ATAD1: variants seen among roughly 807,000 people sequenced by gnomAD.
ATAD1 encodes outer mitochondrial transmembrane helix translocase.
Under a neutral mutation model 42.7 loss-of-function variants are expected in ATAD1, and 18 were observed. The ratio of observed to expected loss-of-function variants is 0.42; its 90% CI spans 0.29 to 0.63. The LOEUF is 0.63. Among genes scored for constraint, ATAD1 ranks in the 20% least tolerant of loss-of-function variants. The pLI, the probability that ATAD1 is intolerant of heterozygous loss-of-function variation, is 0.19. For missense variants in ATAD1, 294 were observed against 440.4 expected (o/e 0.67, Z 2.98); for synonymous variants, 132 against 143.1 (o/e 0.92, Z 0.55).
intron 4 of ATAD1, among the ~76,000 whole-genome samples, chr10:87,787,962 A>G (rs1219934063): frequency 6.6e-6 from 1 of 152,208 alleles, no homozygotes; most frequent in Admixed American, 6.5e-5. Context: ...TACAGAATTC[A>G]GAAAGTTTAC....
intron 2 of ATAD1, among the ~76,000 whole-genome samples, chr10:87,809,450 C>G (rs2132039758): frequency 6.6e-6 from 1 of 151,726 alleles, no homozygotes; most frequent in African/African-American, 2.4e-5. Context: ...GTTGGTCTTT[C>G]TGTCTCAGGT....
rs1855730762 is a variant in ATAD1, at chr10:87,784,546, T to C, written c.507A>G (p.Glu169=). 6.2e-7 allele frequency: 1 copy of C among 1,613,878 alleles called. No homozygotes were observed. Among genetic ancestry groups the C allele is most frequent in the African/African-American group, 1.3e-5 (1 of 75,038 alleles). The change falls in exon 5 of 10, where the codon GAA becomes GAG. Residue 169 remains glutamate, a synonymous_variant. Transcript: ENST00000680024. ...AGACAGCAGCAGCCAATTTCTGAGA[T>C]TCTCCATACCACTTATCGGTCAGTG... ...PSTLTDKWYG[E]SQKLAAAVFS... is the part of the protein sequence containing the mutation.
intron 8 of ATAD1, among the ~76,000 whole-genome samples, chr10:87,767,357 T>C (rs961933082): frequency 1.3e-5 from 2 of 152,126 alleles, no homozygotes; most frequent in Non-Finnish European, 2.9e-5. Flanking sequence ...ATGATTCAAG[T>C]GCATTACATT....
At chr10:87,767,844 GA>G in intron 7 of ATAD1, 121 bp from the exon 8 acceptor site, 1 of 936,796 alleles carries the variant, frequency 1.1e-6, no homozygotes. Context: ...GGAGATGACA[GA>G]AACTTTGAAG....
In ATAD1 at chr10:87,784,467, T is replaced by C. The variant is rs778233708; in HGVS notation, c.583+3A>G. Reference sequence around the variant, plus strand: ...AAATACTCATATAGAAAACATAGCATACCTATTTCATCTATAAAGATGATG... The same window carrying C: ...AAATACTCATATAGAAAACATAGCACACCTATTTCATCTATAAAGATGATG... On this transcript the variant is annotated splice_donor_region_variant and intron_variant, in intron 5 of 9. Coordinates refer to ENST00000680024, the MANE Select transcript of ATAD1 (RefSeq NM_001321967.2). 3 of 1,612,300 alleles carry C rather than the reference T, an allele frequency of 1.9e-6. No homozygotes were observed. The highest frequency in any genetic ancestry group is 1.3e-5 in the African/African-American group (1 of 74,998).
rs1402844306 is a variant in ATAD1 at position 87,784,471 on chromosome 10, T to G, written c.582A>C (p.Ile194=). The G allele has an allele frequency of 1.9e-6, 3 of 1,612,778 alleles. No individual in the cohort carries two copies. ...ACTCATATAGAAAACATAGCATACC[T>G]ATTTCATCTATAAAGATGATGGATG... is the stretch of plus-strand genomic sequence containing the variant. ...LQPSIIFIDE[I]DSFLRNRSSS... The change falls in exon 5 of 10, where the codon ATA becomes ATC. Residue 194 remains isoleucine (I), a splice_region_variant and synonymous_variant. Transcript: ENST00000680024.
upstream of ATAD1, chr10:87,818,351 A>G (rs774581275): frequency 1.3e-6 from 1 of 743,178 alleles, no homozygotes; most frequent in Non-Finnish European, 1.6e-6. Context: ...GGGAGAGCAA[A>G]TTCGCGCACC....
chr10:87,817,922 G>A (rs1857499533), intron 1 of ATAD1: 1 of 985,506 alleles, frequency 1.0e-6, no homozygotes, highest in Non-Finnish European at 1.2e-6. Context: ...TCTTGGGGAA[G>A]AGCTAAGCAG....
intron 6 of ATAD1, among the ~76,000 whole-genome samples, chr10:87,771,754 TA>T (rs879464574): frequency 0.018 from 2,527 of 139,174 alleles, 18 homozygotes; most frequent in Middle Eastern, 0.095. Context: ...ATGTAGAGAT[TA>T]AAAAAAAAAA....
chr10:87,812,540 G>C (rs1857233916), intron 2 of ATAD1, among the ~76,000 whole-genome samples: 1 of 152,184 alleles, frequency 6.6e-6, no homozygotes, highest in African/African-American at 2.4e-5. Context: ...TGGGATTATA[G>C]GCGTGAGCCA....
intron 6 of ATAD1, among the ~76,000 whole-genome samples, chr10:87,775,420 C>CAAAAAAAAAAAAAAAAAAAAAAA: frequency 4.2e-5 from 1 of 24,056 alleles, no homozygotes; most frequent in Non-Finnish European, 8.7e-5. Context: ...GACTCCATCT[C>CAAAAAAAAAAAAAAAAAAAAAAA]AAAAAAAAAA....
intron 1 of ATAD1, among the ~76,000 whole-genome samples, chr10:87,826,050 C>T (rs1589573934): frequency 6.6e-6 from 1 of 152,166 alleles, no homozygotes; most frequent in Admixed American, 6.5e-5. Flanking sequence ...TCTACTAGGC[C>T]TTCTTTCACC....
At chr10:87,778,178 T>TAAAAAAAAAA (rs377243162) in intron 5 of ATAD1, among the ~76,000 whole-genome samples, 30 of 88,530 alleles carry the variant, frequency 3.4e-4, no homozygotes, top group East Asian at 6.6e-4. Context: ...TAGAATAAAT[T>TAAAAAAAAAA]AAAAAAAAAA....
rs891799517 is a variant in ATAD1, at chr10:87,752,049, T to A, written c.*2638A>T. On this transcript the variant is annotated 3_prime_UTR_variant, in exon 10 of 10. Transcript: ENST00000680024. ...ACTAAATAATGTTAAGCTATTATGA[T>A]GCATACAGAATAGAGTACCCCAACC... 1.3e-5 allele frequency: 2 copies of A among 152,186 alleles called. No individual in the cohort carries two copies. The highest frequency in any genetic ancestry group is 2.4e-5 in the African/African-American group (1 of 41,452). The allele number at this position is 152,186 out of a possible 1,614,324, so 9.4% of individuals were successfully genotyped here. A position where few individuals can be genotyped will look rare whatever the true frequency, so the allele number is the denominator to read the frequency against.
rs1281602519 is a variant in ATAD1 at position 87,790,349 on chromosome 10, G to A, written c.343C>T (p.His115Tyr). 2 of 1,612,738 alleles carry A rather than the reference G, an allele frequency of 1.2e-6. No homozygotes were observed. Among genetic ancestry groups the A allele is most frequent in the South Asian group, 1.1e-5 (1 of 90,968 alleles). The change falls in exon 4 of 10, where the codon CAT (histidine) becomes TAT (tyrosine). Residue 115 changes from histidine (H) to tyrosine (Y), a missense_variant. Transcript: ENST00000680024. ...AGAAGCCTGGAATTCTCAAACAAAT[G>A]TTTCTTTTTGATAGGTAAGATGACT... ...DTVILPIKKK[H>Y]LFENSRLLQP...
chr10:87,824,102 A>G (rs1857681118), intron 1 of ATAD1, among the ~76,000 whole-genome samples: 1 of 148,374 alleles, frequency 6.7e-6, no homozygotes, highest in Non-Finnish European at 1.5e-5. Context: ...ATAATATATT[A>G]TCATCTTGAA....
At chr10:87,819,126 G>C (rs1029293858), upstream of ATAD1, 1 of 152,078 alleles carries the variant, frequency 6.6e-6, no homozygotes, top group Non-Finnish European at 1.5e-5. Flanking sequence ...ATCTTTGATG[G>C]CTAAAGAATT....
At chr10:87,840,712 T>C (rs540428974) in intron 1 of ATAD1, among the ~76,000 whole-genome samples, 255 of 152,218 alleles carry the variant, frequency 1.7e-3, no homozygotes, top group Non-Finnish European at 3.0e-3. Context: ...ATTTCCTCTG[T>C]TGATGTTCCC....
intron 1 of ATAD1, among the ~76,000 whole-genome samples, chr10:87,830,257 C>G (rs1179205766): frequency 6.6e-6 from 1 of 152,232 alleles, no homozygotes; most frequent in Non-Finnish European, 1.5e-5. Flanking sequence ...TACATCCTAT[C>G]TTTCACACCA....
Sources: gnomAD v4.1 joint callset for allele counts (sites outside exome capture counted in the v4.1 genomes callset) on GRCh38, gnomAD v4.1.1 for gene constraint, MANE v1.5 for transcripts, NCBI Gene and HGNC (gene_info 2026-07-23, HGNC 2026-07-21) for gene names.